Variants in POLQ observed in about 807,000 individuals in gnomAD.
POLQ encodes the protein epididymis secretory sperm binding protein.
A neutral mutation model predicts 259.2 loss-of-function variants in POLQ; 233 were observed. The ratio of observed to expected loss-of-function variants is 0.90; its 90% CI spans 0.81 to 1.00. POLQ has a LOEUF of 1.00. Among genes scored for constraint, POLQ ranks in the 50% least tolerant of loss-of-function variants. The pLI, the probability that POLQ is intolerant of heterozygous loss-of-function variation, is 0.00. For missense variants in POLQ, 2,871 were observed against 3,051.6 expected, an observed-to-expected ratio of 0.94 and a Z score of 1.39; for synonymous variants, 1,025 against 1,048.8, an observed-to-expected ratio of 0.98 and a Z score of 0.44.
At chr3:121,475,632 T>G (rs532727593) in intron 20 of POLQ, among the ~76,000 whole-genome samples, 12 of 152,288 alleles carry the variant, frequency 7.9e-5, no homozygotes, top group South Asian at 4.1e-4. Context: ...AGCATTTTTT[T>G]GGGGGGGTGA....
intron 21 of POLQ, 132 bp from the exon 22 acceptor site, chr3:121,472,296 G>A (rs372925379): frequency 6.5e-6 from 3 of 459,018 alleles, no homozygotes; most frequent in African/African-American, 5.9e-5. Flanking sequence ...ACTATTACTT[G>A]GAGTTTTTTA....
intron 25 of POLQ, among the ~76,000 whole-genome samples, chr3:121,458,324 A>T (rs531331469): frequency 6.6e-6 from 1 of 152,078 alleles, no homozygotes; most frequent in African/African-American, 2.4e-5. Flanking sequence ...AGCATGGCAC[A>T]TGTATACATA....
intron 24 of POLQ, among the ~76,000 whole-genome samples, chr3:121,463,883 C>G (rs2047813818): frequency 6.6e-6 from 1 of 152,028 alleles, no homozygotes; most frequent in African/African-American, 2.4e-5. Flanking sequence ...TGTTACAATA[C>G]AGTTAAAATT....
rs191950322 is a variant in POLQ, at chr3:121,511,747, C to T, written c.1611+140G>A. ...GAGCTGAGATCATGCCATTGTACTC[C>T]GGCCTGGGTAACAGAGTGAGACTCT... On this transcript the variant is annotated intron_variant, in intron 10 of 29. Coordinates refer to ENST00000264233, the MANE Select transcript of POLQ (RefSeq NM_199420.4). 5.5e-3 allele frequency: 3,453 copies of T among 631,700 alleles called. 13 individuals are homozygous for T. The highest frequency in any genetic ancestry group is 6.8e-3 in the Non-Finnish European group (2,687 of 397,874). 39.1% of individuals were successfully genotyped at this position (631,700 alleles called of 1,614,324 possible).
intron 20 of POLQ, 130 bp downstream of exon 20, chr3:121,476,410 G>C (rs1337558288): frequency 1.7e-6 from 1 of 585,594 alleles, no homozygotes; most frequent in Admixed American, 3.4e-5. Context: ...AAGCAATCTG[G>C]TTAACTGGCT....
chr3:121,486,921 GAA>G (rs370354976), intron 16 of POLQ, among the ~76,000 whole-genome samples: 6 of 136,652 alleles, frequency 4.4e-5, no homozygotes, highest in South Asian at 2.5e-4. Flanking sequence ...GAGAGAGAGA[GAA>G]AGAAAAGAAA....
rs183249693 is a variant in POLQ at position 121,541,526 on chromosome 3, G to A, written c.344-47C>T. 9.6e-4 allele frequency: 1,450 copies of A among 1,506,662 alleles called. 1 individual carries two copies. Among genetic ancestry groups the A allele is most frequent in the Non-Finnish European group, 1.2e-3 (1,335 of 1,108,106 alleles). The allele number at this position is 1,506,662 out of a possible 1,614,324, so 93.3% of individuals were successfully genotyped here. ...AGATTATAAGAAAAAAGTAATATTCGGTACAATTCATTAATAAATGTTTTA... is the reference window on the plus strand; with the variant it reads ...AGATTATAAGAAAAAAGTAATATTCAGTACAATTCATTAATAAATGTTTTA... On this transcript the variant is annotated intron_variant, in intron 2 of 29. Transcript: ENST00000264233.
chr3:121,487,158 G>A (rs564118794), intron 16 of POLQ, 144 bp downstream of exon 16: 38 of 539,486 alleles, frequency 7.0e-5, no homozygotes, highest in Admixed American at 3.7e-4. Flanking sequence ...AAATAAGGCT[G>A]TTCTACACAT....
intron 18 of POLQ, among the ~76,000 whole-genome samples, chr3:121,482,723 T>C (rs1249063342): frequency 6.6e-6 from 1 of 152,052 alleles, no homozygotes; most frequent in Non-Finnish European, 1.5e-5. Context: ...GATCATTAAC[T>C]GGATTAGAAT....
In POLQ at chr3:121,487,444, A is replaced by G. The variant is rs2048021356; in HGVS notation, c.5487T>C (p.Asp1829=). Residue 1829 remains aspartate (D), a synonymous_variant, in exon 16 of 30, where the codon GAT becomes GAC. Transcript: ENST00000264233. ...GGAAAAGATTTTGGTCACTTGCTAC[A>G]TCAATTATGGACAAACTTTCTGAAC... The part of the protein sequence containing the change: ...SSSSESLSII[D]VASDQNLFQT... The G allele has an allele frequency of 6.2e-7, 1 of 1,614,118 alleles. No homozygotes were observed.
At chr3:121,465,669 T>C (rs1459171679) in intron 24 of POLQ, among the ~76,000 whole-genome samples, 1 of 152,186 alleles carries the variant, frequency 6.6e-6, no homozygotes, top group African/African-American at 2.4e-5. Flanking sequence ...TATTATCTGT[T>C]ATGGTGATCT....
At chr3:121,455,500 A>C (rs1469067641) in intron 25 of POLQ, among the ~76,000 whole-genome samples, 1 of 143,634 alleles carries the variant, frequency 7.0e-6, no homozygotes, top group Admixed American at 7.2e-5. Context: ...ACTAATAAAG[A>C]AGAAAAGAGA....
rs895381694 is a variant in POLQ at position 121,431,471 on chromosome 3, G to A, written c.*833C>T. ...TTTTATTTCAACAGCAAAAAGATTAGCTCCATCCCTCTGATTGGGATCACA... is the reference window on the plus strand; with the variant it reads ...TTTTATTTCAACAGCAAAAAGATTAACTCCATCCCTCTGATTGGGATCACA... On this transcript the variant is annotated 3_prime_UTR_variant, in exon 30 of 30. Coordinates refer to ENST00000264233, the MANE Select transcript of POLQ (RefSeq NM_199420.4). 1 of 152,108 alleles carries A rather than the reference G, an allele frequency of 6.6e-6. No individual in the cohort carries two copies. The highest frequency in any genetic ancestry group is 2.4e-5 in the African/African-American group (1 of 41,414). 9.4% of individuals were successfully genotyped at this position (152,108 alleles called of 1,614,324 possible). A position where few individuals can be genotyped will look rare whatever the true frequency, so the allele number is the denominator to read the frequency against.
At chr3:121,450,777 T>C (rs1175015060) in intron 25 of POLQ, among the ~76,000 whole-genome samples, 1 of 152,180 alleles carries the variant, frequency 6.6e-6, no homozygotes. Context: ...TTGGAGTTGC[T>C]CTTCTCGAGG....
intron 12 of POLQ, among the ~76,000 whole-genome samples, chr3:121,508,418 A>G (rs1015603159): frequency 6.6e-6 from 1 of 152,240 alleles, no homozygotes; most frequent in Non-Finnish European, 1.5e-5. Context: ...GGGTATTATT[A>G]TCTCCATTTT....
intron 16 of POLQ, among the ~76,000 whole-genome samples, chr3:121,486,831 T>C (rs1380712129): frequency 1.4e-5 from 2 of 144,978 alleles, no homozygotes; most frequent in African/African-American, 5.1e-5. Context: ...ATCACACCAC[T>C]GCACTCCAGC....
intron 25 of POLQ, among the ~76,000 whole-genome samples, chr3:121,452,995 G>A (rs2047692853): frequency 1.3e-5 from 2 of 152,174 alleles, no homozygotes; most frequent in Non-Finnish European, 2.9e-5. Flanking sequence ...CCCCCCAGTA[G>A]GGGCAGACTG....
At chr3:121,502,778 A>G (rs903905128) in intron 12 of POLQ, among the ~76,000 whole-genome samples, 4 of 152,238 alleles carry the variant, frequency 2.6e-5, no homozygotes, top group Non-Finnish European at 5.9e-5. Context: ...TAAGTATAAC[A>G]ACGTACTGTT....
Position 121,493,541 on chromosome 3 carries a change from T to A in POLQ, c.2459A>T (p.Asp820Val). 5 of 1,613,964 alleles carry A rather than the reference T, an allele frequency of 3.1e-6. No homozygotes were observed. The highest frequency in any genetic ancestry group is 4.2e-6 in the Non-Finnish European group (5 of 1,179,844). Residue 820 changes from aspartate (D) to valine (V), a missense_variant, in exon 15 of 30, where the codon GAC becomes GTC. By Grantham distance (152) the Asp-to-Val change is radical (BLOSUM62 -3). This residue lies in a region of POLQ where 2,080 missense variants were observed against 2,126.0 expected (regional missense o/e 0.98). Transcript: ENST00000264233. Reference protein sequence around the residue: ...LYASGFHTVADLARANIVEVE... With the variant: ...LYASGFHTVAVLARANIVEVE... ...CTCCACAATATTTGCTCTAGCAAGG[T>A]CTGCCACAGTATGAAAGCCAGAAGC... is the stretch of plus-strand genomic sequence containing the variant.
Sources: allele counts gnomAD v4.1 joint callset (sites outside exome capture counted in the v4.1 genomes callset), GRCh38; gene constraint gnomAD v4.1.1; regional missense constraint gnomAD v4.1.1; transcripts MANE v1.5; gene names NCBI Gene and HGNC (gene_info 2026-07-23, HGNC 2026-07-21).